CBX8: variants seen among roughly 807,000 people sequenced by gnomAD.
CBX8 encodes chromobox 8.
In CBX8, 8 loss-of-function variants were observed where a neutral mutation model predicts 39.7. That is an observed-to-expected ratio of 0.20 (90% CI 0.12 to 0.36). The LOEUF is 0.36. Ranked by LOEUF, CBX8 falls within the 10% of genes least tolerant of loss-of-function variation. CBX8 has a pLI of 1.00. For missense variants in CBX8, 505 were observed against 529.6 expected (o/e 0.95, Z 0.46); for synonymous variants, 268 against 219.8 (o/e 1.22, Z -1.94).
chr17:79,795,108 C>T lies in CBX8; in HGVS notation c.697G>A (p.Asp233Asn), dbSNP rs1289075340. ...GEYLKGRKLD[D>N]TPSGAGKFPA... ...AACTTTCCTGCCCCGGAAGGGGTGT[C>T]GTCCAGCTTCCTGCCCTTGAGGTAC... Residue 233 changes from aspartate to asparagine, a missense_variant, in exon 5 of 5, where the codon GAC (aspartate) becomes AAC (asparagine). Asp to Asn is a conservative substitution (Grantham distance 23). Coordinates refer to ENST00000269385, the MANE Select transcript of CBX8 (RefSeq NM_020649.3). The surrounding 1 kb of genome is among the most constrained non-coding windows in gnomAD (Gnocchi z 5.8). The T allele has an allele frequency of 6.8e-6, 11 of 1,612,788 alleles. No individual in the cohort carries two copies. Among genetic ancestry groups the T allele is most frequent in the South Asian group, 2.2e-5 (2 of 90,752 alleles).
Position 79,795,525 on chromosome 17 carries a change from A to C in CBX8, c.280T>G (p.Phe94Val). ...QAKAKAKTYE[F>V]RSDSARGIRI... ...ATGCCCCTGGCTGAGTCACTTCGAA[A>C]CTCGTAAGTTTTGGCCTTTGCCTTG... is the stretch of plus-strand genomic sequence containing the variant. Residue 94 changes from phenylalanine to valine, a missense_variant, in exon 5 of 5, where the codon TTT becomes GTT. By Grantham distance (50) the Phe-to-Val change is conservative. This residue lies in a region of CBX8 where 456 missense variants were observed against 389.2 expected (regional missense o/e 1.17). Coordinates refer to ENST00000269385, the MANE Select transcript of CBX8 (RefSeq NM_020649.3). The surrounding 1 kb of genome is among the most constrained non-coding windows in gnomAD (Gnocchi z 5.8). 1 of 1,531,618 alleles carries C rather than the reference A, an allele frequency of 6.5e-7. No homozygotes were observed. Among genetic ancestry groups the C allele is most frequent in the South Asian group, 1.3e-5 (1 of 77,732 alleles). 94.9% of individuals were successfully genotyped at this position (1,531,618 alleles called of 1,614,324 possible).
At position 79,795,205 on chromosome 17, in the gene CBX8, G is replaced by A. The variant is rs757296700; in HGVS notation, c.600C>T (p.Gly200=). ...CCGGGAGCTCCTTCCGGGGCTTGGG[G>A]CCTCGCTTCTTCGAGCTGTCCCCCG... The part of the protein sequence containing the change: ...SSPGDSSKKR[G]PKPRKELPDP... The change falls in exon 5 of 5, where the codon GGC becomes GGT. Residue 200 remains glycine (G), a synonymous_variant. Coordinates refer to ENST00000269385, the MANE Select transcript of CBX8 (RefSeq NM_020649.3). This position sits in a 1 kb window ranked among gnomAD's most constrained non-coding sequence, Gnocchi z 5.8. The A allele has an allele frequency of 3.7e-6, 6 of 1,613,276 alleles. No homozygotes were observed. Among genetic ancestry groups the A allele is most frequent in the South Asian group, 1.1e-5 (1 of 90,758 alleles).
chr17:79,796,051 A>G lies in CBX8; in HGVS notation c.246+6T>C. ...GGTCCTCCACCATTGGACACTGCCA[A>G]CCTACTTTGAGGAGGAAGGTTTTGG... On this transcript the variant is annotated splice_donor_region_variant and intron_variant, in intron 4 of 4. Coordinates refer to ENST00000269385, the MANE Select transcript of CBX8 (RefSeq NM_020649.3). 6.2e-7 allele frequency: 1 copy of G among 1,613,836 alleles called. No homozygotes were observed. The highest frequency in any genetic ancestry group is 2.2e-5 in the East Asian group (1 of 44,888).
Position 79,795,217 on chromosome 17 carries a change from C to T in CBX8, c.588G>A (p.Ser196=), listed in dbSNP as rs750611533. ...DDKPSSPGDS[S]KKRGPKPRKE... ...TCCGGGGCTTGGGGCCTCGCTTCTT[C>T]GAGCTGTCCCCCGGTGAGCTGGGCT... Residue 196 remains serine (S), a synonymous_variant, in exon 5 of 5, where the codon TCG becomes TCA. Coordinates refer to ENST00000269385, the MANE Select transcript of CBX8 (RefSeq NM_020649.3). This position sits in a 1 kb window ranked among gnomAD's most constrained non-coding sequence, Gnocchi z 5.8. 5.6e-6 allele frequency: 9 copies of T among 1,613,190 alleles called. No homozygotes were observed. The highest frequency in any genetic ancestry group is 3.3e-5 in the Admixed American group (2 of 59,910).
chr17:79,794,788 C>T lies in CBX8; in HGVS notation c.1017G>A (p.Val339=), dbSNP rs1457882880. 6.2e-7 allele frequency: 1 copy of T among 1,612,820 alleles called. No homozygotes were observed. Among genetic ancestry groups the T allele is most frequent in the South Asian group, 1.1e-5 (1 of 91,032 alleles). Residue 339 remains valine, a synonymous_variant, in exon 5 of 5, where the codon GTG becomes GTA. Coordinates refer to ENST00000269385, the MANE Select transcript of CBX8 (RefSeq NM_020649.3). The part of the protein sequence containing the change: ...GRPSLIARIP[V]ARILGDPEEE... ...CCTCCGGGTCCCCCAGGATTCTGGCCACAGGGATCCTGGCGATGAGGGAGG... is the reference window on the plus strand; with the variant it reads ...CCTCCGGGTCCCCCAGGATTCTGGCTACAGGGATCCTGGCGATGAGGGAGG...
chr17:79,797,051 C>G lies in CBX8; in HGVS notation c.-53G>C, dbSNP rs1598236647. On this transcript the variant is annotated 5_prime_UTR_variant, in exon 1 of 5. Transcript: ENST00000269385. ...GCTTCCAGGAGCAGAAAAGCAGCAG[C>G]CAGCGCACGACAGACCATAATACTC... The G allele has an allele frequency of 6.4e-7, 1 of 1,559,324 alleles. No homozygotes were observed. Among genetic ancestry groups the G allele is most frequent in the Non-Finnish European group, 8.7e-7 (1 of 1,145,526 alleles).
chr17:79,796,378 T>G, intron 2 of CBX8, 63 bp from the exon 3 acceptor site: 2 of 1,582,592 alleles, frequency 1.3e-6, no homozygotes, highest in Non-Finnish European at 1.7e-6. Context: ...AGAGGGGGTG[T>G]GTGTGTGTGT....
Position 79,796,527 on chromosome 17 carries a change from T to C in CBX8, c.83A>G (p.Tyr28Cys). The C allele has an allele frequency of 6.2e-7, 1 of 1,614,142 alleles. No individual in the cohort carries two copies. Among genetic ancestry groups the C allele is most frequent in the Non-Finnish European group, 8.5e-7 (1 of 1,180,030 alleles). Residue 28 changes from tyrosine to cysteine, a missense_variant, in exon 2 of 5, where the codon TAC (tyrosine) becomes TGC (cysteine). Coordinates refer to ENST00000269385, the MANE Select transcript of CBX8 (RefSeq NM_020649.3). ...KRRIRKGRME[Y>C]LVKWKGWSQK... is the part of the protein sequence containing the mutation. ...CGACCATCCCTTCCATTTCACGAGG[T>C]ATTCCATGCGTCCCTGCGGGTGCAA...
At chr17:79,796,468 G>C in intron 2 of CBX8, 29 bp downstream of exon 2, 1 of 1,613,784 alleles carries the variant, frequency 6.2e-7, no homozygotes. Context: ...TAACAGTCTG[G>C]GGTTGAGAAT....
rs553249060 is a variant in CBX8, at chr17:79,795,562, C to A, written c.247-4G>T. 5 of 1,510,610 alleles carry A rather than the reference C, an allele frequency of 3.3e-6. No homozygotes were observed. Among genetic ancestry groups the A allele is most frequent in the Non-Finnish European group, 4.4e-6 (5 of 1,131,564 alleles). The allele number at this position is 1,510,610 out of a possible 1,614,324, so 93.6% of individuals were successfully genotyped here. On this transcript the variant is annotated splice_polypyrimidine_tract_variant and splice_region_variant and intron_variant, in intron 4 of 4. Coordinates refer to ENST00000269385, the MANE Select transcript of CBX8 (RefSeq NM_020649.3). The surrounding 1 kb of genome is among the most constrained non-coding windows in gnomAD (Gnocchi z 5.8). ...TGGCCTTTGCCTTGGCCTGCGCCTGCAGGAGAGAAGATGGTCTCAAGAGTG... is the reference window on the plus strand; with the variant it reads ...TGGCCTTTGCCTTGGCCTGCGCCTGAAGGAGAGAAGATGGTCTCAAGAGTG...
At chr17:79,796,812 G>C (rs1007310739) in intron 1 of CBX8, 118 bp downstream of exon 1, 12 of 1,020,936 alleles carry the variant, frequency 1.2e-5, no homozygotes, top group Admixed American at 8.7e-5. Flanking sequence ...CCGCCGCCAC[G>C]GCCGCGGCCG....
Position 79,795,157 on chromosome 17 carries a change from G to C in CBX8, c.648C>G (p.Gly216=). 1 of 1,613,694 alleles carries C rather than the reference G, an allele frequency of 6.2e-7. No individual in the cohort carries two copies. The highest frequency in any genetic ancestry group is 8.5e-7 in the Non-Finnish European group (1 of 1,179,932). Residue 216 remains glycine, a synonymous_variant, in exon 5 of 5, where the codon GGC becomes GGG. Coordinates refer to ENST00000269385, the MANE Select transcript of CBX8 (RefSeq NM_020649.3). This position sits in a 1 kb window ranked among gnomAD's most constrained non-coding sequence, Gnocchi z 5.8. ...ELPDPSQRPL[G]EPSAGLGEYL... is the part of the protein sequence containing the mutation. ...ACTCTCCGAGGCCGGCGCTGGGTTC[G>C]CCTAAGGGCCTCTGTGAGGGGTCCG... is the stretch of plus-strand genomic sequence containing the variant.
In CBX8 at chr17:79,795,640, A is replaced by G. The variant is rs542649689; in HGVS notation, c.247-82T>C. Reference sequence around the variant, plus strand: ...ACTCCTCCTCTATCCCTGACCTCCTATCTTTACCCTATGATGCCTGGGAAT... The same window carrying G: ...ACTCCTCCTCTATCCCTGACCTCCTGTCTTTACCCTATGATGCCTGGGAAT... On this transcript the variant is annotated intron_variant, in intron 4 of 4. Transcript: ENST00000269385. The surrounding 1 kb of genome is among the most constrained non-coding windows in gnomAD (Gnocchi z 5.8). The G allele has an allele frequency of 2.9e-5, 23 of 782,228 alleles. No individual in the cohort carries two copies. The Admixed American group carries it at 8.7e-4, about 29-fold the overall frequency. 48.5% of individuals were successfully genotyped at this position (782,228 alleles called of 1,614,324 possible).
chr17:79,795,387 T>A lies in CBX8; in HGVS notation c.418A>T (p.Ser140Cys). Reference protein sequence around the residue: ...SPPASSTSTSSTCRAEAPRDR... With the variant: ...SPPASSTSTSCTCRAEAPRDR... ...CGAGGGGCCTCTGCGCGGCAGGTGC[T>A]GCTGGTGCTGGTGCTGCTCGCTGGC... Residue 140 changes from serine (S) to cysteine (C), a missense_variant, in exon 5 of 5, where the codon AGC becomes TGC. Transcript: ENST00000269385. This position sits in a 1 kb window ranked among gnomAD's most constrained non-coding sequence, Gnocchi z 5.8. The A allele has an allele frequency of 6.2e-7, 1 of 1,600,362 alleles. No homozygotes were observed. Among genetic ancestry groups the A allele is most frequent in the Middle Eastern group, 1.7e-4 (1 of 6,038 alleles).
Position 79,793,087 on chromosome 17 carries a change from T to C in CBX8, c.*1548A>G, listed in dbSNP as rs981963959. ...GGGTGGAGTGGAGGGGACTGATTTG[T>C]GCTTTTGAGTCAAAAGAGGGGCGCG... On this transcript the variant is annotated 3_prime_UTR_variant, in exon 5 of 5. Transcript: ENST00000269385. The C allele has an allele frequency of 6.6e-6, 1 of 152,166 alleles. No individual in the cohort carries two copies. Among genetic ancestry groups the C allele is most frequent in the Non-Finnish European group, 1.5e-5 (1 of 68,034 alleles). The allele number at this position is 152,166 out of a possible 1,614,324, so 9.4% of individuals were successfully genotyped here. A position where few individuals can be genotyped will look rare whatever the true frequency, so the allele number is the denominator to read the frequency against.
chr17:79,792,374 G>T lies in CBX8; in HGVS notation c.*2261C>A, dbSNP rs1352226662. On this transcript the variant is annotated 3_prime_UTR_variant, in exon 5 of 5. Transcript: ENST00000269385. ...CCCCAGGTCAGCGTCGCAAGAGCGA[G>T]AGAAGGAGACACATACACACACGGC... 6.9e-6 allele frequency: 1 copy of T among 144,318 alleles called. No individual in the cohort carries two copies. Among genetic ancestry groups the T allele is most frequent in the African/African-American group, 2.5e-5 (1 of 39,342 alleles). 8.9% of individuals were successfully genotyped at this position (144,318 alleles called of 1,614,324 possible).
At position 79,796,235 on chromosome 17, in the gene CBX8, TGGAA is replaced by T. The variant is rs1568508324; in HGVS notation, c.179+11_179+14del. The T allele has an allele frequency of 3.1e-6, 5 of 1,614,064 alleles. No homozygotes were observed. The highest frequency in any genetic ancestry group is 4.2e-6 in the Non-Finnish European group (5 of 1,180,036). Reference sequence around the variant, plus strand: ...TGTTTCTAAGTGAGCGGCTGGGACTTGGAAGGGTCTGTACCTTTCCTCAAAGGCT... The same window carrying T: ...TGTTTCTAAGTGAGCGGCTGGGACTTGGGTCTGTACCTTTCCTCAAAGGCT... On this transcript the variant is annotated intron_variant, in intron 3 of 4. Transcript: ENST00000269385.
intron 1 of CBX8, 132 bp from the exon 2 acceptor site, chr17:79,796,672 T>C: frequency 9.9e-7 from 1 of 1,007,438 alleles, no homozygotes; most frequent in Non-Finnish European, 1.6e-6. Context: ...GCCCGCTGCA[T>C]CACCCCTGCA....
In CBX8 at chr17:79,795,101, G is replaced by T. The variant is rs1185951325; in HGVS notation, c.704C>A (p.Pro235His). ...YLKGRKLDDT[P>H]SGAGKFPAGH... ...GGCTGGAAACTTTCCTGCCCCGGAAGGGGTGTCGTCCAGCTTCCTGCCCTT... is the reference window on the plus strand; with the variant it reads ...GGCTGGAAACTTTCCTGCCCCGGAATGGGTGTCGTCCAGCTTCCTGCCCTT... The change falls in exon 5 of 5, where the codon CCT becomes CAT. Residue 235 changes from proline to histidine, a missense_variant. Pro to His is a moderately conservative substitution (Grantham distance 77). This residue lies in a region of CBX8 where 456 missense variants were observed against 389.2 expected (regional missense o/e 1.17). Transcript: ENST00000269385. The surrounding 1 kb of genome is among the most constrained non-coding windows in gnomAD (Gnocchi z 5.8). 4.3e-6 allele frequency: 7 copies of T among 1,612,528 alleles called. No homozygotes were observed. The highest frequency in any genetic ancestry group is 5.1e-6 in the Non-Finnish European group (6 of 1,179,454).
Sources: gnomAD v4.1 joint callset for allele counts on GRCh38, gnomAD v4.1.1 for gene constraint, gnomAD v4.1.1 regional missense constraint, Gnocchi (gnomAD v3.1) non-coding constraint, MANE v1.5 for transcripts, NCBI Gene and HGNC (gene_info 2026-07-23, HGNC 2026-07-21) for gene names.